Variants in ATRNL1 observed in about 807,000 individuals in gnomAD.
ATRNL1 encodes attractin-like protein 1.
Under a neutral mutation model 182.7 loss-of-function variants are expected in ATRNL1, and 95 were observed. The observed-to-expected ratio is 0.52, with a 90% confidence interval of 0.44 to 0.62. ATRNL1 has a LOEUF of 0.62. Among genes scored for constraint, ATRNL1 ranks in the 20% least tolerant of loss-of-function variants. ATRNL1 has a pLI of 0.00. For synonymous variants in ATRNL1, 576 were observed against 568.3 expected (o/e 1.01, Z -0.19); for missense variants, 1,471 against 1,679.5 (o/e 0.88, Z 2.17).
At chr10:115,734,027 A>G (rs2134079015) in intron 27 of ATRNL1, among the ~76,000 whole-genome samples, 1 of 152,280 alleles carries the variant, frequency 6.6e-6, no homozygotes, top group East Asian at 1.9e-4. Flanking sequence ...TAGAATAAGA[A>G]CATTTTTCAC....
chr10:115,264,977 T>A (rs1851545952), intron 10 of ATRNL1, among the ~76,000 whole-genome samples: 1 of 151,670 alleles, frequency 6.6e-6, no homozygotes, highest in South Asian at 2.1e-4. Context: ...TTAAAATTAT[T>A]TGTGAGAATT....
At chr10:115,489,931 C>A (rs950618127) in intron 24 of ATRNL1, among the ~76,000 whole-genome samples, 10 of 152,054 alleles carry the variant, frequency 6.6e-5, no homozygotes, top group Non-Finnish European at 1.5e-4. Context: ...TGGTGACAGT[C>A]TCTCAGCATT....
At chr10:115,276,257 A>G (rs1229844085) in intron 13 of ATRNL1, among the ~76,000 whole-genome samples, 1 of 152,064 alleles carries the variant, frequency 6.6e-6, no homozygotes, top group Non-Finnish European at 1.5e-5. Flanking sequence ...CAAAAGTTGC[A>G]CCTCCTAATA....
chr10:115,225,148 C>A (rs1849638752), intron 9 of ATRNL1, among the ~76,000 whole-genome samples: 1 of 151,608 alleles, frequency 6.6e-6, no homozygotes, highest in Non-Finnish European at 1.5e-5. Context: ...TATTTGGGTT[C>A]ATTCAAAGAA....
At chr10:115,426,383 A>T (rs1283467957) in intron 21 of ATRNL1, 81 bp downstream of exon 21, 9 of 1,006,020 alleles carry the variant, frequency 8.9e-6, no homozygotes, top group Non-Finnish European at 1.3e-5. Flanking sequence ...TTGAATAACT[A>T]AAATTGTCAT....
intron 20 of ATRNL1, among the ~76,000 whole-genome samples, chr10:115,425,668 C>A (rs1845850807): frequency 6.6e-6 from 1 of 151,964 alleles, no homozygotes; most frequent in Non-Finnish European, 1.5e-5. Flanking sequence ...AAAGTTTGAG[C>A]TCCTGAATTT....
chr10:115,131,009 A>G (rs889237187), intron 5 of ATRNL1, among the ~76,000 whole-genome samples: 3 of 152,102 alleles, frequency 2.0e-5, no homozygotes, highest in Non-Finnish European at 4.4e-5. Context: ...GTCTTGTAAT[A>G]TAGATCTGAT....
At chr10:115,624,732 A>T (rs1857983172) in intron 26 of ATRNL1, among the ~76,000 whole-genome samples, 1 of 152,140 alleles carries the variant, frequency 6.6e-6, no homozygotes, top group Non-Finnish European at 1.5e-5. Context: ...AACATTTACT[A>T]CCACACTACT....
At chr10:115,867,187 CT>C (rs1555104927) in intron 28 of ATRNL1, among the ~76,000 whole-genome samples, 3 of 152,080 alleles carry the variant, frequency 2.0e-5, no homozygotes, top group Non-Finnish European at 4.4e-5. Flanking sequence ...TAATGTTGAG[CT>C]GGTAATGTAA....
chr10:115,472,158 GTC>G (rs1344172947), intron 24 of ATRNL1, among the ~76,000 whole-genome samples: 1 of 150,802 alleles, frequency 6.6e-6, no homozygotes, highest in African/African-American at 2.4e-5. Flanking sequence ...AGTTGACGCT[GTC>G]TATGGGTTTA....
At position 115,257,852 on chromosome 10, in the gene ATRNL1, C is replaced by T. The variant is rs4540767; in HGVS notation, c.1688-7341C>T. On this transcript the variant is annotated intron_variant, in intron 10 of 28. Transcript: ENST00000355044. ...TGCTTGTCTGTAAAGGATTTTATTT[C>T]TCCTTCACTTATGAAGGTTAGTTTG... Among the ~76,000 whole-genome samples, 669 of 152,298 alleles carry T rather than the reference C, an allele frequency of 4.4e-3. 6 individuals carry two copies. The highest frequency in any genetic ancestry group is 0.015 in the African/African-American group (641 of 41,558).
rs371761399 is a variant in ATRNL1 at position 115,261,359 on chromosome 10, G to A, written c.1688-3834G>A. ...AGGATTATATCTCCTATTGAAGTAT[G>A]AGATTAAATAAACAGATGAAATCTA... On this transcript the variant is annotated intron_variant, in intron 10 of 28. Transcript: ENST00000355044. Among the ~76,000 whole-genome samples, 28 of 152,250 alleles carry A rather than the reference G, an allele frequency of 1.8e-4. No homozygotes were observed. In the East Asian group the frequency reaches 3.1e-3, roughly 17 times the overall value.
intron 25 of ATRNL1, among the ~76,000 whole-genome samples, chr10:115,536,213 G>T (rs1362653084): frequency 6.6e-6 from 1 of 152,152 alleles, no homozygotes; most frequent in East Asian, 1.9e-4. Flanking sequence ...TGCCCCCAGA[G>T]GTGGAGCCTA....
chr10:115,210,725 GT>G (rs1268759074), intron 8 of ATRNL1, among the ~76,000 whole-genome samples: 1 of 151,636 alleles, frequency 6.6e-6, no homozygotes, highest in Non-Finnish European at 1.5e-5. Context: ...CTTGTATAGT[GT>G]TCTTAATAGT....
At chr10:115,606,575 C>A (rs1048906520) in intron 26 of ATRNL1, among the ~76,000 whole-genome samples, 1 of 151,960 alleles carries the variant, frequency 6.6e-6, no homozygotes, top group Non-Finnish European at 1.5e-5. Context: ...GCATTTCAAT[C>A]TTTTCTTCTG....
intron 20 of ATRNL1, among the ~76,000 whole-genome samples, chr10:115,408,923 A>G (rs1190232705): frequency 6.6e-6 from 1 of 152,004 alleles, no homozygotes; most frequent in Non-Finnish European, 1.5e-5. Flanking sequence ...TGTTTCATTG[A>G]TCTATGTGTC....
At chr10:115,239,881 G>C (rs539154605) in intron 9 of ATRNL1, among the ~76,000 whole-genome samples, 5 of 152,144 alleles carry the variant, frequency 3.3e-5, no homozygotes, top group Admixed American at 2.0e-4. Context: ...GTAACCCAGA[G>C]CTGGAGGGAA....
chr10:115,480,041 A>G (rs1469639918), intron 24 of ATRNL1, among the ~76,000 whole-genome samples: 5 of 151,414 alleles, frequency 3.3e-5, no homozygotes, highest in African/African-American at 1.2e-4. Flanking sequence ...GCTAGGAATT[A>G]TTCTTCACTT....
chr10:115,573,612 C>T (rs7894126), intron 26 of ATRNL1, among the ~76,000 whole-genome samples: 73,290 of 151,860 alleles, frequency 0.48, 18,428 homozygotes, highest in Middle Eastern at 0.55. Flanking sequence ...TTCCCTGTCT[C>T]CTGTCTGTGT....
Sources: allele counts gnomAD v4.1 joint callset (sites outside exome capture counted in the v4.1 genomes callset), GRCh38; gene constraint gnomAD v4.1.1; transcripts MANE v1.5; gene names NCBI Gene and HGNC (gene_info 2026-07-23, HGNC 2026-07-21).